The following SRD5A2 variants were observed in gnomAD, a reference collection of about 807,000 sequenced individuals.
The protein encoded by SRD5A2 is steroid 5 alpha-reductase 2, also known as 3-oxo-5-alpha-steroid 4-dehydrogenase 2.
Under a neutral mutation model 27.4 loss-of-function variants are expected in SRD5A2, and 30 were observed. The observed-to-expected ratio is 1.10, with a 90% CI of 0.82 to 1.49. The LOEUF (loss-of-function observed/expected upper bound fraction) is 1.49, where lower values mean the gene tolerates loss of function less well. SRD5A2 is among the 40% of genes most tolerant of loss of function. The probability of loss-of-function intolerance (pLI) is 0.00; values close to 1 mark genes in which losing one functional copy is unlikely to be tolerated. For missense variants in SRD5A2, 348 were observed against 323.4 expected (o/e 1.08, Z -0.58); for synonymous variants, 141 against 133.6 (o/e 1.06, Z -0.38).
At chr2:31,651,846 C>G in the SRD5A2 span, 2 of 152,520 alleles carry the variant, frequency 1.3e-5, no homozygotes, top group African/African-American at 4.8e-5. Context: ...AGGCATCCCA[C>G]GTGATCTCCA....
At chr2:31,627,218 C>T in the SRD5A2 span, among the ~76,000 whole-genome samples, 3 of 150,588 alleles carry the variant, frequency 2.0e-5, no homozygotes, top group Non-Finnish European at 4.5e-5. Context: ...TCTTTATGTA[C>T]CCATTTCTTC....
the SRD5A2 span, among the ~76,000 whole-genome samples, chr2:31,642,352 G>A: frequency 6.6e-6 from 1 of 151,966 alleles, no homozygotes; most frequent in African/African-American, 2.4e-5. Flanking sequence ...TTTTGACCAA[G>A]TCCTTGCATC....
the SRD5A2 span, among the ~76,000 whole-genome samples, chr2:31,658,124 A>G: frequency 6.6e-6 from 1 of 152,142 alleles, no homozygotes; most frequent in Non-Finnish European, 1.5e-5. Flanking sequence ...CCTGGTACTG[A>G]ATGACCTTTG....
chr2:31,652,532 T>C, the SRD5A2 span, among the ~76,000 whole-genome samples: 1 of 152,066 alleles, frequency 6.6e-6, no homozygotes, highest in Non-Finnish European at 1.5e-5. Context: ...AGGAGGGATA[T>C]TGTACCCATA....
chr2:31,634,102 G>C, the SRD5A2 span, among the ~76,000 whole-genome samples: 1 of 151,902 alleles, frequency 6.6e-6, no homozygotes, highest in Non-Finnish European at 1.5e-5. Context: ...ACCCCTTTAG[G>C]GTCCCCTCCC....
the SRD5A2 span, among the ~76,000 whole-genome samples, chr2:31,622,878 T>C: frequency 6.6e-6 from 1 of 152,104 alleles, no homozygotes; most frequent in South Asian, 2.1e-4. Context: ...CCTTGTAGCA[T>C]AGAATAAGAG....
At chr2:31,647,641 C>A in the SRD5A2 span, among the ~76,000 whole-genome samples, 1 of 152,188 alleles carries the variant, frequency 6.6e-6, no homozygotes, top group South Asian at 2.1e-4. Flanking sequence ...TCTCTGCTGG[C>A]CAACTAACTC....
At chr2:31,550,193 GT>G (rs11335627) in intron 1 of SRD5A2, among the ~76,000 whole-genome samples, 23,265 of 151,844 alleles carry the variant, frequency 0.15, 2,242 homozygotes, top group African/African-American at 0.27. Context: ...ATTCATCTTT[GT>G]TTTTTGTAAC....
chr2:31,580,980 C>T (rs997186359), upstream of SRD5A2: 2 of 1,448,006 alleles, frequency 1.4e-6, no homozygotes, highest in Non-Finnish European at 1.8e-6. Flanking sequence ...GAGCGCCAGA[C>T]GCCACCCGTG....
the SRD5A2 span, among the ~76,000 whole-genome samples, chr2:31,633,608 G>A: frequency 6.6e-6 from 1 of 152,112 alleles, no homozygotes; most frequent in Non-Finnish European, 1.5e-5. Context: ...CTCCGATGTT[G>A]ATGACATCGA....
At chr2:31,567,452 G>GTATATATA (rs753337903) in intron 1 of SRD5A2, among the ~76,000 whole-genome samples, 9 of 74,730 alleles carry the variant, frequency 1.2e-4, no homozygotes, top group Admixed American at 1.4e-4. Context: ...GTGTGTGTGT[G>GTATATATA]TGTGTATATA....
the SRD5A2 span, among the ~76,000 whole-genome samples, chr2:31,587,200 C>A: frequency 6.6e-6 from 1 of 152,184 alleles, no homozygotes; most frequent in Non-Finnish European, 1.5e-5. Flanking sequence ...AAGATACCAT[C>A]TCATTGGTAT....
intron 1 of SRD5A2, among the ~76,000 whole-genome samples, chr2:31,547,535 C>A (rs1666286683): frequency 6.6e-6 from 1 of 152,184 alleles, no homozygotes; most frequent in Non-Finnish European, 1.5e-5. Flanking sequence ...AGCCAGAATT[C>A]ATTTCTTCTA....
chr2:31,645,846 G>A, the SRD5A2 span, among the ~76,000 whole-genome samples: 2 of 152,140 alleles, frequency 1.3e-5, no homozygotes, highest in Non-Finnish European at 2.9e-5. Flanking sequence ...GTACGTGTGT[G>A]TGGCTCACGT....
chr2:31,644,850 G>A, the SRD5A2 span, among the ~76,000 whole-genome samples: 1 of 152,100 alleles, frequency 6.6e-6, no homozygotes, highest in Non-Finnish European at 1.5e-5. Context: ...AAGTATTAAA[G>A]GACAGAGAGG....
At chr2:31,598,970 TG>T in the SRD5A2 span, among the ~76,000 whole-genome samples, 2 of 151,804 alleles carry the variant, frequency 1.3e-5, no homozygotes, top group African/African-American at 2.4e-5. Flanking sequence ...AATAAATGAA[TG>T]GAAAAAGATA....
At chr2:31,592,554 C>T in the SRD5A2 span, among the ~76,000 whole-genome samples, 1 of 152,188 alleles carries the variant, frequency 6.6e-6, no homozygotes, top group Non-Finnish European at 1.5e-5. Context: ...TCAGCACCAG[C>T]CCAGAGCCCA....
chr2:31,637,091 C>T, the SRD5A2 span, among the ~76,000 whole-genome samples: 3 of 151,956 alleles, frequency 2.0e-5, no homozygotes, highest in Non-Finnish European at 4.4e-5. Context: ...GCAGTGAAGC[C>T]ATCTGGTCCT....
At chr2:31,650,651 T>A in the SRD5A2 span, among the ~76,000 whole-genome samples, 2 of 152,304 alleles carry the variant, frequency 1.3e-5, no homozygotes, top group East Asian at 3.9e-4. Flanking sequence ...GCCAAACACA[T>A]GTTACATGCT....
Sources: gnomAD v4.1 joint callset for allele counts (sites outside exome capture counted in the v4.1 genomes callset) on GRCh38, gnomAD v4.1.1 for gene constraint, MANE v1.5 for transcripts, NCBI Gene and HGNC (gene_info 2026-07-23, HGNC 2026-07-21) for gene names.